WDR7: variants seen among roughly 807,000 people sequenced by gnomAD.
WDR7 encodes the protein WD repeat-containing protein 7.
Under a neutral mutation model 169.4 loss-of-function variants are expected in WDR7, and 46 were observed. The ratio of observed to expected loss-of-function variants is 0.27; its 90% CI spans 0.21 to 0.35. WDR7 has a LOEUF of 0.35. WDR7 is among the 10% of genes least tolerant of loss of function. The probability of loss-of-function intolerance (pLI) is 1.00; values close to 1 mark genes in which losing one functional copy is unlikely to be tolerated. For synonymous variants in WDR7, 612 were observed against 666.8 expected (o/e 0.92, Z 1.27); for missense variants, 1,534 against 1,859.3 (o/e 0.83, Z 3.22).
intron 26 of WDR7, among the ~76,000 whole-genome samples, chr18:57,020,034 G>C (rs2048265721): frequency 6.6e-6 from 1 of 152,094 alleles, no homozygotes; most frequent in African/African-American, 2.4e-5. Flanking sequence ...TTTATTAGGA[G>C]GGACCTTCTA....
intron 25 of WDR7, among the ~76,000 whole-genome samples, chr18:56,958,306 C>G (rs559541248): frequency 2.0e-5 from 3 of 152,240 alleles, no homozygotes; most frequent in African/African-American, 7.2e-5. Flanking sequence ...TGTATCACTC[C>G]TCCACAATAA....
chr18:56,778,154 T>A (rs2044267311), intron 17 of WDR7, among the ~76,000 whole-genome samples: 1 of 152,174 alleles, frequency 6.6e-6, no homozygotes, highest in Non-Finnish European at 1.5e-5. Context: ...TAATTACATG[T>A]TTATTATCAG....
chr18:56,754,247 TTGTGTGTGTGTGTGTGTGTGTG>T (rs71169393), intron 14 of WDR7, among the ~76,000 whole-genome samples: 1 of 141,632 alleles, frequency 7.1e-6, no homozygotes, highest in Admixed American at 7.0e-5. Context: ...GTTTTGTGCT[TTGTGTGTGTGTGTGTGTGTGTG>T]TGTGTGTGTG....
rs2048404303 is a variant in WDR7, at chr18:57,028,754, G to A, written c.*1547G>A. 6.6e-6 allele frequency: 1 copy of A among 152,626 alleles called. No homozygotes were observed. The highest frequency in any genetic ancestry group is 2.4e-5 in the African/African-American group (1 of 41,454). 9.5% of individuals were successfully genotyped at this position (152,626 alleles called of 1,614,324 possible). ...GCATATTAAGAAATTAAGACCATTA[G>A]ATCATCTCTTTCATAATGATATGAT... On this transcript the variant is annotated 3_prime_UTR_variant, in exon 28 of 28. Transcript: ENST00000254442.
intron 27 of WDR7, among the ~76,000 whole-genome samples, chr18:57,023,031 AC>A: frequency 6.6e-6 from 1 of 152,334 alleles, no homozygotes; most frequent in African/African-American, 2.4e-5. Flanking sequence ...TGCCTCTAAA[AC>A]CAATGTCGGA....
intron 20 of WDR7, among the ~76,000 whole-genome samples, chr18:56,874,431 T>C (rs1418115738): frequency 1.3e-5 from 2 of 152,062 alleles, no homozygotes; most frequent in Non-Finnish European, 2.9e-5. Context: ...AAACTAAAAC[T>C]TTCCATGAAG....
chr18:56,890,733 A>G (rs1179027596), intron 21 of WDR7: 1 of 152,140 alleles, frequency 6.6e-6, no homozygotes, highest in Admixed American at 6.6e-5. Flanking sequence ...TGGCCTTCCT[A>G]TCTGGCTCCT....
At chr18:56,919,499 T>C (rs536575133) in intron 21 of WDR7, among the ~76,000 whole-genome samples, 3 of 56,810 alleles carry the variant, frequency 5.3e-5, no homozygotes, top group African/African-American at 1.4e-4. Flanking sequence ...TCTTCTGTTT[T>C]GGGGAGATGC....
In WDR7 at chr18:56,686,845, T is replaced by TTC. The variant is rs3983282; in HGVS notation, c.598-8_598-7dup. 1,544,156 of 1,570,648 alleles carry TTC rather than the reference T, an allele frequency of 0.98. 762,131 individuals are homozygous for TTC. Among genetic ancestry groups the TTC allele is most frequent in the East Asian group, 1 (44,543 of 44,546 alleles). On this transcript the variant is annotated splice_polypyrimidine_tract_variant and intron_variant, in intron 6 of 27. Coordinates refer to ENST00000254442, the MANE Select transcript of WDR7 (RefSeq NM_015285.3). ...GCTATTCCTAAATTTTTACAAATCT[T>TTC]TCTTTTCAGGATACTGAGCCAATAT... is the stretch of plus-strand genomic sequence containing the variant.
chr18:56,901,553 G>A (rs1015081867), intron 21 of WDR7, among the ~76,000 whole-genome samples: 5 of 152,118 alleles, frequency 3.3e-5, no homozygotes, highest in Non-Finnish European at 5.9e-5. Context: ...ATGTCCCATC[G>A]CTTACCTAGT....
At chr18:56,679,013 A>T (rs2025302891) in intron 2 of WDR7, among the ~76,000 whole-genome samples, 2 of 152,160 alleles carry the variant, frequency 1.3e-5, no homozygotes, top group Admixed American at 1.3e-4. Context: ...TACTGCACTG[A>T]GTCACACCTG....
intron 15 of WDR7, among the ~76,000 whole-genome samples, chr18:56,758,631 TATG>T (rs111532239): frequency 7.9e-5 from 12 of 152,300 alleles, no homozygotes; most frequent in African/African-American, 2.6e-4. Flanking sequence ...CTTAAACTAA[TATG>T]AAGCACAAAT....
chr18:56,713,757 C>G (rs1287744544), intron 12 of WDR7, among the ~76,000 whole-genome samples: 1 of 152,116 alleles, frequency 6.6e-6, no homozygotes. Context: ...ACCCAGATCT[C>G]TAGAATTTAA....
intron 19 of WDR7, among the ~76,000 whole-genome samples, chr18:56,806,972 A>T (rs538115042): frequency 6.6e-6 from 1 of 152,192 alleles, no homozygotes; most frequent in South Asian, 2.1e-4. Flanking sequence ...TGCCCAATAC[A>T]CATCTTAACA....
intron 25 of WDR7, among the ~76,000 whole-genome samples, chr18:56,945,423 T>G (rs1421246849): frequency 6.6e-6 from 1 of 152,250 alleles, no homozygotes; most frequent in East Asian, 1.9e-4. Flanking sequence ...GAGGTCAGCA[T>G]GAAATTGCAG....
intron 20 of WDR7, among the ~76,000 whole-genome samples, chr18:56,818,078 C>T (rs17090367): frequency 2.0e-5 from 3 of 152,004 alleles, no homozygotes; most frequent in Admixed American, 1.3e-4. Context: ...GTGTTTGTTC[C>T]GTTTTCACTG....
At chr18:56,748,874 A>G (rs951219032) in intron 14 of WDR7, among the ~76,000 whole-genome samples, 1 of 152,122 alleles carries the variant, frequency 6.6e-6, no homozygotes, top group Non-Finnish European at 1.5e-5. Context: ...GGCACCAAAT[A>G]TCCATTTCAG....
rs576547755 is a variant in WDR7, at chr18:56,681,050, A to G, written c.267-263A>G. On this transcript the variant is annotated intron_variant, in intron 3 of 27. Coordinates refer to ENST00000254442, the MANE Select transcript of WDR7 (RefSeq NM_015285.3). ...CGGCCAGAACTACTTACAAGACTTC[A>G]TTAACCAAAACGGAACCAGGAAATG... 1.6e-4 allele frequency among the ~76,000 whole-genome samples: 24 copies of G among 152,260 alleles called. No individual in the cohort carries two copies. The East Asian group carries it at 4.6e-3, about 29-fold the overall frequency.
chr18:56,908,852 T>C (rs1229944121), intron 21 of WDR7, among the ~76,000 whole-genome samples: 2 of 152,204 alleles, frequency 1.3e-5, no homozygotes, highest in Non-Finnish European at 2.9e-5. Context: ...TTTTCTTAGT[T>C]TGATAACATG....
Sources: allele counts gnomAD v4.1 joint callset (sites outside exome capture counted in the v4.1 genomes callset), GRCh38; gene constraint gnomAD v4.1.1; transcripts MANE v1.5; gene names NCBI Gene and HGNC (gene_info 2026-07-23, HGNC 2026-07-21).